The following WDR90 variants were observed in gnomAD, a reference collection of about 807,000 sequenced individuals.
WDR90 encodes WD repeat domain 90.
A neutral mutation model predicts 195.2 loss-of-function variants in WDR90; 238 were observed. The ratio of observed to expected loss-of-function variants is 1.22; its 90% CI spans 1.10 to 1.36. WDR90 has a LOEUF of 1.36. WDR90 is among the 40% of genes most tolerant of loss of function. WDR90 has a pLI of 0.00. For missense variants in WDR90, 2,734 were observed against 2,439.5 expected, an observed-to-expected ratio of 1.12 and a Z score of -2.54; for synonymous variants, 1,265 against 1,052.4, an observed-to-expected ratio of 1.20 and a Z score of -3.91.
chr16:657,143 C>A lies in WDR90; in HGVS notation c.2395C>A (p.Leu799Ile). 1.3e-6 allele frequency: 2 copies of A among 1,573,512 alleles called. No individual in the cohort carries two copies. Among genetic ancestry groups the A allele is most frequent in the Admixed American group, 1.8e-5 (1 of 54,580 alleles). The change falls in exon 20 of 41, where the codon CTC (leucine) becomes ATC (isoleucine). Residue 799 changes from leucine (L) to isoleucine (I), a missense_variant. Coordinates refer to ENST00000293879, the MANE Select transcript of WDR90 (RefSeq NM_145294.5). The part of the protein sequence containing the change: ...GLTATPDGRL[L>I]FSSCSQGSLA... ...GACCGCCACCCCTGACGGCCGCCTG[C>A]TCTTCAGCTCCTGCTCCCAGGGCTC...
intron 1 of WDR90, 81 bp from the exon 2 acceptor site, chr16:649,682 T>A: frequency 7.4e-7 from 1 of 1,360,058 alleles, no homozygotes; most frequent in Non-Finnish European, 9.7e-7. Flanking sequence ...TCCTGCCTGG[T>A]CCCCGAGGCC....
In WDR90 at chr16:650,585, G is replaced by A. The variant is rs1418207072; in HGVS notation, c.435G>A (p.Gln145=). 29 of 1,612,414 alleles carry A rather than the reference G, an allele frequency of 1.8e-5. No homozygotes were observed. Among genetic ancestry groups the A allele is most frequent in the Non-Finnish European group, 2.4e-5 (28 of 1,179,720 alleles). ...APSGARWTCL[Q]LDLQDVLLVY... is the part of the protein sequence containing the mutation. ...CCGGAGCCCGCTGGACCTGCCTGCA[G>A]CTCGATCTGCAGGACGTTCTCCTGG... The change falls in exon 5 of 41, where the codon CAG becomes CAA. Residue 145 remains glutamine, a synonymous_variant. Coordinates refer to ENST00000293879, the MANE Select transcript of WDR90 (RefSeq NM_145294.5).
At chr16:664,088 C>G (rs1031308627) in intron 34 of WDR90, among the ~76,000 whole-genome samples, 2 of 152,192 alleles carry the variant, frequency 1.3e-5, no homozygotes, top group African/African-American at 4.8e-5. Context: ...GTTTACTTTT[C>G]TGGAAGCAGG....
chr16:651,169 C>T, intron 6 of WDR90, 30 bp from the exon 7 acceptor site: 1 of 1,613,248 alleles, frequency 6.2e-7, no homozygotes, highest in South Asian at 1.1e-5. Flanking sequence ...CTTGGGCCCC[C>T]AGACACTGAC....
In WDR90 at chr16:655,892, G is replaced by A. The variant is rs2037741808; in HGVS notation, c.1966+3G>A. ...CTCCTCGGTGCTCCTGGAGGCAGGT[G>A]ATGCTGTGGGCACGCTCTCCCAACT... On this transcript the variant is annotated splice_donor_region_variant and intron_variant, in intron 17 of 40. Coordinates refer to ENST00000293879, the MANE Select transcript of WDR90 (RefSeq NM_145294.5). 1 of 1,589,814 alleles carries A rather than the reference G, an allele frequency of 6.3e-7. No individual in the cohort carries two copies.
chr16:659,469 T>G, intron 26 of WDR90, 93 bp downstream of exon 26: 132 of 1,484,738 alleles, frequency 8.9e-5, no homozygotes, highest in East Asian at 1.2e-4. Flanking sequence ...CGTCCAGCTC[T>G]GGGGTGCAGG....
chr16:656,937 G>A, intron 19 of WDR90, 66 bp downstream of exon 19: 2 of 1,576,054 alleles, frequency 1.3e-6, no homozygotes, highest in East Asian at 2.3e-5. Flanking sequence ...GGCCAGGTGG[G>A]GGTCATGTGC....
At chr16:657,725 T>G in intron 20 of WDR90, 37 bp from the exon 21 acceptor site, 1 of 1,510,064 alleles carries the variant, frequency 6.6e-7, no homozygotes, top group Non-Finnish European at 8.9e-7. Context: ...ACCCCGGCAC[T>G]CCCCACCCAG....
At position 666,286 on chromosome 16, in the gene WDR90, C is replaced by T. The variant is rs769918413; in HGVS notation, c.4676C>T (p.Thr1559Ile). The change falls in exon 37 of 41, where the codon ACC becomes ATC. Residue 1559 changes from threonine (T) to isoleucine (I), a missense_variant. Physicochemically the swap from Thr to Ile is moderately conservative, Grantham distance 89. Coordinates refer to ENST00000293879, the MANE Select transcript of WDR90 (RefSeq NM_145294.5). ...GTGAGCCACCCCTGCACAGGGACAA[C>T]CTTCCGTGTGCTGAGTGACCACCAG... is the stretch of plus-strand genomic sequence containing the variant. ...VAVSHPCTGTTFRVLSDHQGA... is the reference protein window; with the variant it reads ...VAVSHPCTGTIFRVLSDHQGA... 1.9e-6 allele frequency: 3 copies of T among 1,612,746 alleles called. No homozygotes were observed. The South Asian group carries it at 3.3e-5, about 18-fold the overall frequency.
At position 655,045 on chromosome 16, in the gene WDR90, G is replaced by T. The variant is rs2037720864; in HGVS notation, c.1454G>T (p.Gly485Val). The T allele has an allele frequency of 1.2e-6, 2 of 1,612,490 alleles. No individual in the cohort carries two copies. The highest frequency in any genetic ancestry group is 1.3e-5 in the African/African-American group (1 of 74,942). ...TTGTTGCAGATGGTGGTGGCCTGGG[G>T]CACCGGCCAGGTGGGCCTCGGTGGC... is the stretch of plus-strand genomic sequence containing the variant. ...HHGRTMVVAW[G>V]TGQVGLGGEV... The change falls in exon 14 of 41, where the codon GGC (glycine) becomes GTC (valine). Residue 485 changes from glycine (G) to valine (V), a missense_variant. Physicochemically the swap from Gly to Val is moderately radical, Grantham distance 109. Transcript: ENST00000293879.
At position 661,406 on chromosome 16, in the gene WDR90, T is replaced by C; in HGVS notation, c.3578T>C (p.Val1193Ala). ...CATTGTCAGATCCGCGTCTGGGACG[T>C]GTCTGGCGGCCTCTGCCAGCATCTC... ...TAHCQIRVWD[V>A]SGGLCQHLIF... is the part of the protein sequence containing the mutation. Residue 1193 changes from valine to alanine, a missense_variant, in exon 30 of 41, where the codon GTG becomes GCG. Val to Ala is a moderately conservative substitution (Grantham distance 64). Coordinates refer to ENST00000293879, the MANE Select transcript of WDR90 (RefSeq NM_145294.5). 6.2e-7 allele frequency: 1 copy of C among 1,612,058 alleles called. No homozygotes were observed. Among genetic ancestry groups the C allele is most frequent in the Non-Finnish European group, 8.5e-7 (1 of 1,179,870 alleles).
At chr16:665,190 C>CGACT (rs112080504) in intron 34 of WDR90, 2 of 286,952 alleles carry the variant, frequency 7.0e-6, no homozygotes, top group African/African-American at 4.3e-5. Context: ...AGGAGGAATG[C>CGACT]GACTGCATGG....
In WDR90 at chr16:653,373, G is replaced by A; in HGVS notation, c.1155G>A (p.Val385=). 7 of 1,595,604 alleles carry A rather than the reference G, an allele frequency of 4.4e-6. No homozygotes were observed. The highest frequency in any genetic ancestry group is 6.0e-6 in the Non-Finnish European group (7 of 1,172,538). The change falls in exon 11 of 41, where the codon GTG becomes GTA. Residue 385 remains valine (V), a synonymous_variant. Transcript: ENST00000293879. ...GGACCCCAGACGGGGCGGCTGTCGT[G>A]TACCCCTGCCATGCGGTCATCGTCG... ...ALWTPDGAAV[V]YPCHAVIVVL...
rs151228283 is a variant in WDR90, at chr16:660,132, A to C, written c.3259A>C (p.Arg1087=). The part of the protein sequence containing the change: ...LASCKAFTPA[R]VSCSPHSAKG... ...TTCCTGCAAGGCCTTCACGCCTGCC[A>C]GGGTCAGCTGCAGCCCCCACTCTGC... The change falls in exon 27 of 41, where the codon AGG becomes CGG. Residue 1087 remains arginine, a synonymous_variant. Coordinates refer to ENST00000293879, the MANE Select transcript of WDR90 (RefSeq NM_145294.5). 81 of 1,539,912 alleles carry C rather than the reference A, an allele frequency of 5.3e-5. No homozygotes were observed. In the East Asian group the frequency reaches 1.8e-3, roughly 35 times the overall value.
intron 28 of WDR90, 94 bp from the exon 29 acceptor site, chr16:660,957 C>CACCCCCCGCCCGGCCT: frequency 2.6e-6 from 1 of 379,748 alleles, no homozygotes; most frequent in Non-Finnish European, 3.2e-6. Context: ...ACGGCTCGGC[C>CACCCCCCGCCCGGCCT]CAGGCCCCGC....
intron 33 of WDR90, 134 bp from the exon 34 acceptor site, chr16:662,542 CTCT>C: frequency 3.0e-6 from 4 of 1,323,148 alleles, no homozygotes; most frequent in Non-Finnish European, 4.1e-6. Flanking sequence ...CATGGGCTTT[CTCT>C]TCTTCCACCG....
chr16:650,865 A>C lies in WDR90; in HGVS notation c.560-130A>C, dbSNP rs987628020. On this transcript the variant is annotated intron_variant, in intron 5 of 40. Coordinates refer to ENST00000293879, the MANE Select transcript of WDR90 (RefSeq NM_145294.5). ...ATCCCAGAGGCAGCCCTGGGGTCAG[A>C]ACCCATCCCAGAGGCAGCCCTGGGG... is the stretch of plus-strand genomic sequence containing the variant. 8.8e-6 allele frequency: 13 copies of C among 1,471,268 alleles called. No homozygotes were observed. In the East Asian group the frequency reaches 3.0e-4, roughly 34 times the overall value. 91.1% of individuals were successfully genotyped at this position (1,471,268 alleles called of 1,614,324 possible).
Position 656,437 on chromosome 16 carries a change from C to T in WDR90, c.2102C>T (p.Ala701Val). ...CACATGCTGGCTCGCTCCCACACCG[C>T]CCCGGTGTTGGCCCTCGCCATGGAG... ...VYHMLARSHT[A>V]PVLALAMEQR... The change falls in exon 18 of 41, where the codon GCC becomes GTC. Residue 701 changes from alanine (A) to valine (V), a missense_variant. Ala to Val is a moderately conservative substitution (Grantham distance 64). Transcript: ENST00000293879. The T allele has an allele frequency of 6.2e-7, 1 of 1,602,280 alleles. No individual in the cohort carries two copies. The highest frequency in any genetic ancestry group is 8.5e-7 in the Non-Finnish European group (1 of 1,177,252).
In WDR90 at chr16:650,119, G is replaced by A; in HGVS notation, c.231G>A (p.Arg77=). The A allele has an allele frequency of 6.2e-7, 1 of 1,613,044 alleles. No homozygotes were observed. The highest frequency in any genetic ancestry group is 8.5e-7 in the Non-Finnish European group (1 of 1,179,948). The change falls in exon 3 of 41, where the codon CGG becomes CGA. Residue 77 remains arginine, a synonymous_variant. Coordinates refer to ENST00000293879, the MANE Select transcript of WDR90 (RefSeq NM_145294.5). ...GACGATACCTGTATGTGCTCTTTCG[G>A]CCCCTGCCCAGCAAGCACTTCGTCA... ...LTGRYLYVLF[R]PLPSKHFVIH...
Sources: gnomAD v4.1 joint callset for allele counts (sites outside exome capture counted in the v4.1 genomes callset) on GRCh38, gnomAD v4.1.1 for gene constraint, MANE v1.5 for transcripts, NCBI Gene and HGNC (gene_info 2026-07-23, HGNC 2026-07-21) for gene names.